The following SV2C variants were observed in gnomAD, a reference collection of about 807,000 sequenced individuals.
SV2C encodes synaptic vesicle glycoprotein 2C, also known as solute carrier family 22 member B3.
In SV2C, 49 loss-of-function variants were observed where a neutral mutation model predicts 79.7. The ratio of observed to expected loss-of-function variants is 0.61; its 90% CI spans 0.49 to 0.78. The LOEUF (loss-of-function observed/expected upper bound fraction) is 0.78. Ranked by LOEUF, SV2C falls within the 30% of genes least tolerant of loss-of-function variation. SV2C has a pLI of 0.00. For missense variants in SV2C, 833 were observed against 912.9 expected (o/e 0.91, Z 1.13); for synonymous variants, 334 against 333.2 (o/e 1.00, Z -0.03).
the SV2C span, among the ~76,000 whole-genome samples, chr5:76,041,001 G>C: frequency 6.6e-6 from 1 of 152,118 alleles, no homozygotes; most frequent in African/African-American, 2.4e-5. Flanking sequence ...TGCAGTGTGG[G>C]GTGTTGTCTG....
At chr5:76,321,402 C>A (rs1459309014) in intron 12 of SV2C, among the ~76,000 whole-genome samples, 1 of 152,002 alleles carries the variant, frequency 6.6e-6, no homozygotes, top group Non-Finnish European at 1.5e-5. Context: ...GAAGGAAATT[C>A]ATACTCTCTC....
the SV2C span, among the ~76,000 whole-genome samples, chr5:75,949,486 C>T: frequency 6.6e-6 from 1 of 151,916 alleles, no homozygotes; most frequent in South Asian, 2.1e-4. Context: ...TGCTGTGTCC[C>T]CACCCAAATC....
chr5:75,964,861 T>G, the SV2C span, among the ~76,000 whole-genome samples: 17 of 152,178 alleles, frequency 1.1e-4, no homozygotes, highest in Admixed American at 6.6e-4. Context: ...CTGTTGTCAT[T>G]ATGAAGGTTC....
the SV2C span, among the ~76,000 whole-genome samples, chr5:76,067,277 G>C: frequency 1.3e-5 from 2 of 150,788 alleles, no homozygotes; most frequent in African/African-American, 4.9e-5. Flanking sequence ...TTTGTGTTTT[G>C]TGTGGTAAGA....
At chr5:75,849,580 A>G in the SV2C span, among the ~76,000 whole-genome samples, 3 of 152,340 alleles carry the variant, frequency 2.0e-5, no homozygotes, top group African/African-American at 7.2e-5. Context: ...TTTCAATCTT[A>G]CCTGAGCTTT....
At chr5:76,029,487 C>T in the SV2C span, among the ~76,000 whole-genome samples, 66 of 152,182 alleles carry the variant, frequency 4.3e-4, no homozygotes, top group African/African-American at 1.6e-3. Context: ...CAGTCATCTG[C>T]ATTTTAACAA....
Position 76,195,071 on chromosome 5 carries a change from C to G in SV2C, c.733C>G (p.Leu245Val), listed in dbSNP as rs773527691. Residue 245 changes from leucine (L) to valine (V), a missense_variant, in exon 3 of 13, where the codon CTC becomes GTC. Transcript: ENST00000502798. ...ATTTGTCCAAGGTTATGGCTTCTTT[C>G]TCTTCTGTCGCTTACTTTCTGGATT... ...SSFVQGYGFF[L>V]FCRLLSGFGI... is the part of the protein sequence containing the mutation. 1 of 1,613,962 alleles carries G rather than the reference C, an allele frequency of 6.2e-7. No homozygotes were observed.
chr5:75,913,942 A>G, the SV2C span, among the ~76,000 whole-genome samples: 1 of 151,858 alleles, frequency 6.6e-6, no homozygotes, highest in Non-Finnish European at 1.5e-5. Flanking sequence ...GAAATCAAAT[A>G]GGCCATAAAT....
intron 4 of SV2C, among the ~76,000 whole-genome samples, chr5:76,279,277 G>A (rs1239114091): frequency 6.6e-6 from 1 of 152,160 alleles, no homozygotes; most frequent in Non-Finnish European, 1.5e-5. Flanking sequence ...GGAGCTCTGG[G>A]AACAGAAAAA....
At chr5:76,048,125 GTTGA>G in the SV2C span, among the ~76,000 whole-genome samples, 1 of 152,114 alleles carries the variant, frequency 6.6e-6, no homozygotes, top group East Asian at 1.9e-4. Flanking sequence ...AATTTTTTCT[GTTGA>G]TTGAATTTTT....
At chr5:76,079,568 C>A, upstream of SV2C, 1 of 320,804 alleles carries the variant, frequency 3.1e-6, no homozygotes, top group Non-Finnish European at 6.3e-6. Context: ...GATTTTTGAC[C>A]CATGAATGAA....
the SV2C span, among the ~76,000 whole-genome samples, chr5:75,888,495 T>G: frequency 6.6e-6 from 1 of 152,038 alleles, no homozygotes; most frequent in African/African-American, 2.4e-5. Flanking sequence ...ATACACACAT[T>G]TTCTTTTTAC....
At chr5:75,855,951 T>A in the SV2C span, among the ~76,000 whole-genome samples, 3 of 152,316 alleles carry the variant, frequency 2.0e-5, no homozygotes, top group South Asian at 6.2e-4. Flanking sequence ...CCCTCCCCAC[T>A]ACGCTTCCTA....
chr5:76,214,247 A>G (rs577349948), intron 4 of SV2C, among the ~76,000 whole-genome samples: 1 of 152,324 alleles, frequency 6.6e-6, no homozygotes, highest in South Asian at 2.1e-4. Context: ...ATTCTTTTGC[A>G]TATGAATATC....
the SV2C span, among the ~76,000 whole-genome samples, chr5:75,934,736 T>G: frequency 6.6e-6 from 1 of 152,212 alleles, no homozygotes; most frequent in Non-Finnish European, 1.5e-5. Flanking sequence ...TGAGTTCTAC[T>G]GTCCTATGGT....
At chr5:76,286,172 C>A (rs1178119169) in intron 6 of SV2C, among the ~76,000 whole-genome samples, 3 of 151,952 alleles carry the variant, frequency 2.0e-5, no homozygotes, top group African/African-American at 7.3e-5. Context: ...TAACACCAAC[C>A]CAAGAGATGG....
At chr5:75,927,369 A>G in the SV2C span, among the ~76,000 whole-genome samples, 634 of 152,220 alleles carry the variant, frequency 4.2e-3, 2 homozygotes, top group Non-Finnish European at 7.1e-3. Context: ...CCTAGAGGAC[A>G]TTATGCTAAG....
At chr5:76,348,300 T>C (rs1488984122) in intron 12 of SV2C, among the ~76,000 whole-genome samples, 2 of 152,234 alleles carry the variant, frequency 1.3e-5, no homozygotes, top group African/African-American at 2.4e-5. Flanking sequence ...AGCATTCCAC[T>C]GTCTGGATGT....
At chr5:76,337,735 G>T (rs1003235856), downstream of SV2C, among the ~76,000 whole-genome samples, 1 of 152,162 alleles carries the variant, frequency 6.6e-6, no homozygotes, top group East Asian at 1.9e-4. Context: ...TTCTGGGGGA[G>T]ACCTCAGGGC....
Sources: allele counts gnomAD v4.1 joint callset (sites outside exome capture counted in the v4.1 genomes callset), GRCh38; gene constraint gnomAD v4.1.1; transcripts MANE v1.5; gene names NCBI Gene and HGNC (gene_info 2026-07-23, HGNC 2026-07-21).